PPFIBP1: variants seen among roughly 807,000 people sequenced by gnomAD.
The protein encoded by PPFIBP1 is liprin-beta-1.
In PPFIBP1, 112 loss-of-function variants were observed where a neutral mutation model predicts 137.8. That is an observed-to-expected ratio of 0.81 (90% confidence interval 0.70 to 0.95). PPFIBP1 has a LOEUF of 0.95. Ranked by LOEUF, PPFIBP1 falls within the 40% of genes least tolerant of loss-of-function variation. PPFIBP1 has a pLI of 0.00. For synonymous variants in PPFIBP1, 378 were observed against 417.3 expected (o/e 0.91, Z 1.15); for missense variants, 1,083 against 1,196.6 (o/e 0.91, Z 1.40).
At chr12:27,581,580 C>A (rs551228985) in intron 2 of PPFIBP1, among the ~76,000 whole-genome samples, 84 of 152,294 alleles carry the variant, frequency 5.5e-4, no homozygotes, top group African/African-American at 2.0e-3. Flanking sequence ...TTGTCCTTTG[C>A]GCCCTTTTCT....
At chr12:27,687,721 T>C (rs1418138690) in intron 25 of PPFIBP1, among the ~76,000 whole-genome samples, 1 of 152,224 alleles carries the variant, frequency 6.6e-6, no homozygotes, top group African/African-American at 2.4e-5. Flanking sequence ...TCAGTTATGC[T>C]TCTTCCTTTT....
intron 4 of PPFIBP1, among the ~76,000 whole-genome samples, chr12:27,639,665 G>GATAGAGT (rs1167263212): frequency 6.6e-6 from 1 of 152,234 alleles, no homozygotes; most frequent in Non-Finnish European, 1.5e-5. Context: ...CCATGAGATA[G>GATAGAGT]GTAAACAGGT....
chr12:27,674,048 A>G, intron 16 of PPFIBP1, 144 bp from the exon 17 acceptor site: 2 of 840,312 alleles, frequency 2.4e-6, no homozygotes, highest in Non-Finnish European at 3.7e-6. Context: ...TTAATAAAAC[A>G]TTTTGGAAAA....
chr12:27,672,906 C>A (rs771580625), intron 15 of PPFIBP1, among the ~76,000 whole-genome samples: 8 of 152,064 alleles, frequency 5.3e-5, no homozygotes, highest in Non-Finnish European at 8.8e-5. Flanking sequence ...CTGTGTTTAT[C>A]CAAGTTAAAG....
chr12:27,558,489 C>CACACACACACACAAACAT (rs2048888537), intron 1 of PPFIBP1, among the ~76,000 whole-genome samples: 1 of 112,480 alleles, frequency 8.9e-6, no homozygotes, highest in Non-Finnish European at 1.9e-5. Context: ...CACACACACA[C>CACACACACACACAAACAT]ACACACGATA....
In PPFIBP1 at chr12:27,560,047, G is replaced by T. The variant is rs1157234129; in HGVS notation, c.-123-18105G>T. Among the ~76,000 whole-genome samples the T allele has an allele frequency of 3.3e-5, 5 of 152,302 alleles. No homozygotes were observed. In the East Asian group the frequency reaches 7.7e-4, roughly 24 times the overall value. On this transcript the variant is annotated intron_variant, in intron 1 of 29. Coordinates refer to ENST00000228425, the MANE Select transcript of PPFIBP1 (RefSeq NM_003622.4). ...TTCTTCTGTGGAGAGAATTTGTGTT[G>T]ACAGGTAAGTATTACACATGGACAA...
intron 7 of PPFIBP1, among the ~76,000 whole-genome samples, chr12:27,650,513 C>T (rs2058814051): frequency 6.6e-6 from 1 of 152,174 alleles, no homozygotes; most frequent in Admixed American, 6.5e-5. Flanking sequence ...TTTAGGCACA[C>T]TGATTATTTA....
intron 1 of PPFIBP1, among the ~76,000 whole-genome samples, chr12:27,559,894 G>T (rs2049020167): frequency 6.6e-6 from 1 of 152,196 alleles, no homozygotes; most frequent in African/African-American, 2.4e-5. Flanking sequence ...AGGACATATA[G>T]GCTAGGAGAT....
intron 5 of PPFIBP1, among the ~76,000 whole-genome samples, chr12:27,646,840 T>G (rs183447103): frequency 2.8e-4 from 43 of 152,310 alleles, no homozygotes; most frequent in Middle Eastern, 3.4e-3. Context: ...TGATGATTAT[T>G]GAGGAAAAAC....
chr12:27,661,132 A>G (rs1243830507), intron 11 of PPFIBP1, among the ~76,000 whole-genome samples, 187 bp downstream of exon 11: 2 of 152,226 alleles, frequency 1.3e-5, no homozygotes, highest in Non-Finnish European at 2.9e-5. Context: ...CACTGGCTCC[A>G]CTGAGAACTC....
At chr12:27,570,158 C>A (rs538984669) in intron 1 of PPFIBP1, among the ~76,000 whole-genome samples, 21 of 152,100 alleles carry the variant, frequency 1.4e-4, no homozygotes, top group African/African-American at 4.8e-4. Flanking sequence ...AAATTTTCAC[C>A]ATATATTTAT....
At chr12:27,599,529 C>T (rs1376268608) in intron 2 of PPFIBP1, 3 of 455,808 alleles carry the variant, frequency 6.6e-6, no homozygotes, top group Non-Finnish European at 1.3e-5. Context: ...CTCCTTCCCT[C>T]CTGCCTTCCT....
intron 4 of PPFIBP1, among the ~76,000 whole-genome samples, chr12:27,641,676 G>T (rs1410098065): frequency 6.6e-6 from 1 of 152,116 alleles, no homozygotes; most frequent in Non-Finnish European, 1.5e-5. Flanking sequence ...TTCTAGCTGG[G>T]GAAGGTGACC....
intron 2 of PPFIBP1, among the ~76,000 whole-genome samples, chr12:27,588,699 C>T (rs1488218873): frequency 1.3e-5 from 2 of 152,086 alleles, no homozygotes; most frequent in Non-Finnish European, 2.9e-5. Flanking sequence ...TTCTTTTGGA[C>T]TGAGAGAATT....
chr12:27,599,936 A>G (rs1182805323), intron 2 of PPFIBP1, among the ~76,000 whole-genome samples: 1 of 152,210 alleles, frequency 6.6e-6, no homozygotes. Flanking sequence ...ATTGTAGAAT[A>G]AAAAAAGGAC....
At chr12:27,580,323 C>A (rs188056525) in intron 2 of PPFIBP1, among the ~76,000 whole-genome samples, 2 of 152,254 alleles carry the variant, frequency 1.3e-5, no homozygotes, top group Admixed American at 6.5e-5. Flanking sequence ...TGTATTTTCC[C>A]AAACAAATAT....
intron 14 of PPFIBP1, 49 bp from the exon 15 acceptor site, chr12:27,672,378 G>C (rs774316960): frequency 1.4e-6 from 2 of 1,420,126 alleles, no homozygotes; most frequent in South Asian, 2.4e-5. Flanking sequence ...AACATATATG[G>C]TCTTTTATTC....
At chr12:27,644,221 C>T (rs141725772) in intron 4 of PPFIBP1, among the ~76,000 whole-genome samples, 3,148 of 143,678 alleles carry the variant, frequency 0.022, 35 homozygotes, top group African/African-American at 0.032. Context: ...GGACCACAGG[C>T]GCACACCACC....
At chr12:27,644,348 T>C (rs1386454295) in intron 4 of PPFIBP1, among the ~76,000 whole-genome samples, 1 of 151,146 alleles carries the variant, frequency 6.6e-6, no homozygotes, top group Non-Finnish European at 1.5e-5. Context: ...CCCGAAGTGC[T>C]GGAATTACAG....
Sources: allele counts gnomAD v4.1 joint callset (sites outside exome capture counted in the v4.1 genomes callset), GRCh38; gene constraint gnomAD v4.1.1; transcripts MANE v1.5; gene names NCBI Gene and HGNC (gene_info 2026-07-23, HGNC 2026-07-21).